The following RBPJ variants were observed in gnomAD, a reference collection of about 807,000 sequenced individuals.
RBPJ encodes the protein recombination signal binding protein for immunoglobulin kappa J region, also known as recombining binding protein suppressor of hairless.
RBPJ carries 9 observed loss-of-function variants against 67.8 expected under a neutral mutation model. That is an observed-to-expected ratio of 0.13 (90% CI 0.08 to 0.23). The LOEUF (loss-of-function observed/expected upper bound fraction) is 0.23. Among genes scored for constraint, RBPJ ranks in the 10% least tolerant of loss-of-function variants. RBPJ has a pLI of 1.00. For synonymous variants in RBPJ, 198 were observed against 203.3 expected, an observed-to-expected ratio of 0.97 and a Z score of 0.22; for missense variants, 305 against 595.6, an observed-to-expected ratio of 0.51 and a Z score of 5.08.
At chr4:26,370,451 G>A (rs1577543927) in intron 1 of RBPJ, among the ~76,000 whole-genome samples, 1 of 152,170 alleles carries the variant, frequency 6.6e-6, no homozygotes, top group Non-Finnish European at 1.5e-5. Flanking sequence ...GAATTGCCTG[G>A]GTGTAATTGC....
At chr4:26,142,277 A>G in the RBPJ span, among the ~76,000 whole-genome samples, 33 of 152,216 alleles carry the variant, frequency 2.2e-4, no homozygotes, top group Non-Finnish European at 4.7e-4. Flanking sequence ...AGAAGGGAGA[A>G]AAAGAGAAAA....
At chr4:26,423,611 A>G (rs1356247374) in intron 5 of RBPJ, among the ~76,000 whole-genome samples, 3 of 152,180 alleles carry the variant, frequency 2.0e-5, no homozygotes, top group African/African-American at 7.2e-5. Context: ...TCTTGTATTC[A>G]GGCTATTTGC....
At chr4:26,364,719 C>T (rs1258240864) in intron 1 of RBPJ, among the ~76,000 whole-genome samples, 2 of 148,454 alleles carry the variant, frequency 1.3e-5, no homozygotes, top group Admixed American at 6.7e-5. Context: ...CTCTACCTCC[C>T]GGTTCAAGCA....
intron 1 of RBPJ, among the ~76,000 whole-genome samples, chr4:26,369,988 G>A (rs927630033): frequency 3.9e-5 from 6 of 152,128 alleles, no homozygotes; most frequent in African/African-American, 7.2e-5. Context: ...TTGAGTCAGC[G>A]AACTGGGCAG....
chr4:26,313,207 G>A (rs937855118), intron 1 of RBPJ, among the ~76,000 whole-genome samples: 1 of 152,156 alleles, frequency 6.6e-6, no homozygotes, highest in African/African-American at 2.4e-5. Flanking sequence ...ACAAGCATGA[G>A]CCACCAAGCC....
At chr4:26,320,436 G>A (rs1722895078), upstream of RBPJ, 3 of 357,888 alleles carry the variant, frequency 8.4e-6, no homozygotes, top group Admixed American at 4.4e-5. Flanking sequence ...TCACTTGCCC[G>A]AACCCCAGAC....
chr4:26,236,822 G>A (rs745589433), intron 1 of RBPJ, among the ~76,000 whole-genome samples: 24 of 152,162 alleles, frequency 1.6e-4, no homozygotes, highest in African/African-American at 3.6e-4. Context: ...GTTAAGCCCC[G>A]TACATTGTAA....
Position 26,374,085 on chromosome 4 carries a change from G to A in RBPJ, c.21-12268G>A, listed in dbSNP as rs553534076. On this transcript the variant is annotated intron_variant, in intron 1 of 10. Coordinates refer to ENST00000355476, the MANE Select transcript of RBPJ (RefSeq NM_015874.6). ...AGGTGCCCGCCACCGGCTTACAGGC[G>A]CACACCACCATGTCCAGCTAATTTT... 9.2e-5 allele frequency among the ~76,000 whole-genome samples: 14 copies of A among 151,626 alleles called. No individual in the cohort carries two copies. The South Asian group carries it at 1.0e-3, about 11-fold the overall frequency.
chr4:26,169,681 A>G (rs1716485442), intron 1 of RBPJ, among the ~76,000 whole-genome samples: 1 of 152,200 alleles, frequency 6.6e-6, no homozygotes, highest in African/African-American at 2.4e-5. Flanking sequence ...CCAGAGGTGG[A>G]GCCTACAGAG....
At chr4:26,361,733 T>C (rs1398453147) in intron 1 of RBPJ, among the ~76,000 whole-genome samples, 1 of 152,190 alleles carries the variant, frequency 6.6e-6, no homozygotes, top group African/African-American at 2.4e-5. Context: ...GCCACACTTG[T>C]GGTAAAAGCA....
At chr4:26,329,426 GCT>G (rs1252699040) in intron 1 of RBPJ, among the ~76,000 whole-genome samples, 2 of 152,162 alleles carry the variant, frequency 1.3e-5, no homozygotes, top group African/African-American at 4.8e-5. Flanking sequence ...AGGCCAAGAA[GCT>G]CTTTTTGAGG....
At chr4:26,289,645 C>T (rs527506097) in intron 1 of RBPJ, among the ~76,000 whole-genome samples, 2 of 150,552 alleles carry the variant, frequency 1.3e-5, no homozygotes, top group Non-Finnish European at 3.0e-5. Context: ...ACATTGTGGT[C>T]AGTATCTTCA....
At chr4:26,158,507 G>T (rs1016068201), upstream of RBPJ, among the ~76,000 whole-genome samples, 1 of 152,166 alleles carries the variant, frequency 6.6e-6, no homozygotes, top group Non-Finnish European at 1.5e-5. Context: ...CCCTCCAGAT[G>T]AGGAAAAGGG....
the RBPJ span, among the ~76,000 whole-genome samples, chr4:26,137,091 C>A: frequency 6.6e-6 from 1 of 152,164 alleles, no homozygotes; most frequent in African/African-American, 2.4e-5. Context: ...ACTAGGTTCC[C>A]AGGTGTAATT....
intron 2 of RBPJ, among the ~76,000 whole-genome samples, chr4:26,395,537 A>G (rs1732035127): frequency 1.3e-5 from 2 of 152,308 alleles, no homozygotes; most frequent in East Asian, 1.9e-4. Context: ...ACTAAGTAGC[A>G]TGTTGAAATT....
the RBPJ span, among the ~76,000 whole-genome samples, chr4:26,114,044 T>C: frequency 6.6e-6 from 1 of 152,250 alleles, no homozygotes; most frequent in African/African-American, 2.4e-5. Context: ...AAATTTATGT[T>C]GTTTAGTGTC....
intron 1 of RBPJ, among the ~76,000 whole-genome samples, chr4:26,333,078 A>T (rs1220404351): frequency 2.6e-5 from 4 of 152,164 alleles, no homozygotes; most frequent in African/African-American, 9.7e-5. Context: ...GGGTCCACTT[A>T]TATGTGGATT....
In RBPJ at chr4:26,202,871, C is replaced by T. The variant is rs542100522; in HGVS notation, c.-167+39257C>T. On this transcript the variant is annotated intron_variant, in intron 1 of 4. Coordinates refer to the RBPJ transcript ENST00000512351. ...TTGCAGTGAGCTGAGATCACACCACCGTACCACTGCACTCCAGCCTGGGCA... is the reference window on the plus strand; with the variant it reads ...TTGCAGTGAGCTGAGATCACACCACTGTACCACTGCACTCCAGCCTGGGCA... Among the ~76,000 whole-genome samples the T allele has an allele frequency of 9.6e-4, 145 of 150,708 alleles. 1 individual carries two copies. Among genetic ancestry groups the T allele is most frequent in the African/African-American group, 3.4e-3 (138 of 40,964 alleles).
intron 2 of RBPJ, among the ~76,000 whole-genome samples, chr4:26,401,340 C>T (rs971820718): frequency 2.6e-5 from 4 of 152,202 alleles, no homozygotes; most frequent in African/African-American, 7.2e-5. Flanking sequence ...CTAGGCTACG[C>T]AGATTTGAAT....
Sources: gnomAD v4.1 joint callset for allele counts (sites outside exome capture counted in the v4.1 genomes callset) on GRCh38, gnomAD v4.1.1 for gene constraint, MANE v1.5 for transcripts, NCBI Gene and HGNC (gene_info 2026-07-23, HGNC 2026-07-21) for gene names.